Variants in ESAM observed in about 807,000 individuals in gnomAD.
ESAM encodes endothelial cell-selective adhesion molecule.
A neutral mutation model predicts 31.8 loss-of-function variants in ESAM; 23 were observed. The observed-to-expected ratio is 0.72, with a 90% CI of 0.52 to 1.03. The LOEUF is 1.03. Among genes scored for constraint, ESAM ranks in the 50% least tolerant of loss-of-function variants. The probability of loss-of-function intolerance (pLI) is 0.00; values close to 1 mark genes in which losing one functional copy is unlikely to be tolerated. For synonymous variants in ESAM, 216 were observed against 207.2 expected (o/e 1.04, Z -0.37); for missense variants, 478 against 488.9 (o/e 0.98, Z 0.21).
intron 1 of ESAM, among the ~76,000 whole-genome samples, chr11:124,760,217 C>G (rs1320534572): frequency 6.6e-6 from 1 of 152,232 alleles, no homozygotes; most frequent in Non-Finnish European, 1.5e-5. Context: ...TTCTGCTCTC[C>G]CTCCTGGGTG....
Position 124,756,395 on chromosome 11 carries a change from C to G in ESAM, c.452-33G>C, listed in dbSNP as rs761465760. ...GGGGGAGACAGATTAAAACCACACC[C>G]AGGAGACCCACAGATCCTCTCCCTC... On this transcript the variant is annotated intron_variant, in intron 3 of 6. Transcript: ENST00000278927. 7 of 1,577,392 alleles carry G rather than the reference C, an allele frequency of 4.4e-6. No homozygotes were observed. In the East Asian group the frequency reaches 1.6e-4, roughly 36 times the overall value.
Position 124,756,608 on chromosome 11 carries a change from C to T in ESAM, c.384G>A (p.Val128=). The T allele has an allele frequency of 6.2e-7, 1 of 1,614,170 alleles. No homozygotes were observed. The highest frequency in any genetic ancestry group is 8.5e-7 in the Non-Finnish European group (1 of 1,180,034). The change falls in exon 3 of 7, where the codon GTG becomes GTA. Residue 128 remains valine, a synonymous_variant. Transcript: ENST00000278927. ...ATTTGCCTTGTTTGTCTTGCACATT[C>T]ACGGAGCAGCTGTAGGGGCCAGAGT... is the stretch of plus-strand genomic sequence containing the variant. The part of the protein sequence containing the change: ...EKDSGPYSCS[V]NVQDKQGKSR...
Position 124,759,703 on chromosome 11 carries a change from C to T in ESAM, c.71-1176G>A, listed in dbSNP as rs995084983. 4.6e-5 allele frequency among the ~76,000 whole-genome samples: 7 copies of T among 152,254 alleles called. No homozygotes were observed. Among genetic ancestry groups the T allele is most frequent in the African/African-American group, 1.7e-4 (7 of 41,472 alleles). Reference sequence around the variant, plus strand: ...GCTTCCCGGCTGCGCCGTACAGAACCCCCACCTCTGTTACTTGGCCTTCGC... The same window carrying T: ...GCTTCCCGGCTGCGCCGTACAGAACTCCCACCTCTGTTACTTGGCCTTCGC... On this transcript the variant is annotated intron_variant, in intron 1 of 6. Transcript: ENST00000278927. The surrounding 1 kb of genome is among the most constrained non-coding windows in gnomAD (Gnocchi z 6.8).
At position 124,754,608 on chromosome 11, in the gene ESAM, C is replaced by T. The variant is rs911815346; in HGVS notation, c.730+33G>A. On this transcript the variant is annotated intron_variant, in intron 5 of 6. Transcript: ENST00000278927. This position sits in a 1 kb window ranked among gnomAD's most constrained non-coding sequence, Gnocchi z 4.5. ...TTGCAACCCCTCCCCCACCATTGAC[C>T]ACTCTTCTTAACCACACTTACCCCT... 8.8e-6 allele frequency: 14 copies of T among 1,595,606 alleles called. No individual in the cohort carries two copies. In the Middle Eastern group the frequency reaches 8.4e-4, roughly 95 times the overall value.
chr11:124,760,816 C>A (rs1944220616), intron 1 of ESAM, among the ~76,000 whole-genome samples: 1 of 152,212 alleles, frequency 6.6e-6, no homozygotes, highest in African/African-American at 2.4e-5. Context: ...GCCCCCACCC[C>A]CCACAAGGAA....
At position 124,762,164 on chromosome 11, in the gene ESAM, T is replaced by C. The variant is rs1450236020; in HGVS notation, c.-10A>G. The C allele has an allele frequency of 6.2e-7, 1 of 1,602,612 alleles. No homozygotes were observed. The highest frequency in any genetic ancestry group is 8.5e-7 in the Non-Finnish European group (1 of 1,174,592). ...CCGGGAGGGAAATCATGGCCCTCCCTGGCCGGGACGGAGTCAGGGGCGCCA... is the reference window on the plus strand; with the variant it reads ...CCGGGAGGGAAATCATGGCCCTCCCCGGCCGGGACGGAGTCAGGGGCGCCA... On this transcript the variant is annotated 5_prime_UTR_variant, in exon 1 of 7. Coordinates refer to ENST00000278927, the MANE Select transcript of ESAM (RefSeq NM_138961.3). The surrounding 1 kb of genome is among the most constrained non-coding windows in gnomAD (Gnocchi z 6.4).
chr11:124,758,901 C>T (rs1210665465), intron 1 of ESAM, among the ~76,000 whole-genome samples: 1 of 152,188 alleles, frequency 6.6e-6, no homozygotes, highest in Non-Finnish European at 1.5e-5. Context: ...GTACGCGCCA[C>T]GTAGCCCACT....
chr11:124,756,899 T>G (rs1442689239), intron 2 of ESAM, 157 bp from the exon 3 acceptor site: 1 of 730,266 alleles, frequency 1.4e-6, no homozygotes, highest in Non-Finnish European at 2.3e-6. Flanking sequence ...CTTTTGTCCC[T>G]AGCCCCCTCT....
Position 124,762,208 on chromosome 11 carries a change from C to G in ESAM, c.-54G>C. On this transcript the variant is annotated 5_prime_UTR_variant, in exon 1 of 7. Coordinates refer to ENST00000278927, the MANE Select transcript of ESAM (RefSeq NM_138961.3). The surrounding 1 kb of genome is among the most constrained non-coding windows in gnomAD (Gnocchi z 6.4). Reference sequence around the variant, plus strand: ...GGCGCCAGCCGCGGGACGCACGGACCTGCAGGTGCCGAGGCTGCGCGACGG... The same window carrying G: ...GGCGCCAGCCGCGGGACGCACGGACGTGCAGGTGCCGAGGCTGCGCGACGG... 7.0e-7 allele frequency: 1 copy of G among 1,425,988 alleles called. No homozygotes were observed. The highest frequency in any genetic ancestry group is 9.5e-7 in the Non-Finnish European group (1 of 1,053,380). The allele number at this position is 1,425,988 out of a possible 1,614,324, so 88.3% of individuals were successfully genotyped here. A position where few individuals can be genotyped will look rare whatever the true frequency, so the allele number is the denominator to read the frequency against.
Position 124,762,226 on chromosome 11 carries a change from C to G in ESAM, c.-72G>C, listed in dbSNP as rs1273029240. On this transcript the variant is annotated 5_prime_UTR_variant, in exon 1 of 7. Coordinates refer to ENST00000278927, the MANE Select transcript of ESAM (RefSeq NM_138961.3). The surrounding 1 kb of genome is among the most constrained non-coding windows in gnomAD (Gnocchi z 6.4). ...CACGGACCTGCAGGTGCCGAGGCTGCGCGACGGCCGGAGCGTGCGCGGGAG... is the reference window on the plus strand; with the variant it reads ...CACGGACCTGCAGGTGCCGAGGCTGGGCGACGGCCGGAGCGTGCGCGGGAG... 4 of 1,233,776 alleles carry G rather than the reference C, an allele frequency of 3.2e-6. No individual in the cohort carries two copies. Among genetic ancestry groups the G allele is most frequent in the African/African-American group, 3.2e-5 (2 of 62,606 alleles). The allele number at this position is 1,233,776 out of a possible 1,614,324, so 76.4% of individuals were successfully genotyped here.
At position 124,754,064 on chromosome 11, in the gene ESAM, G is replaced by A. The variant is rs2134456785; in HGVS notation, c.858-103C>T. 2 of 1,551,726 alleles carry A rather than the reference G, an allele frequency of 1.3e-6. No individual in the cohort carries two copies. The highest frequency in any genetic ancestry group is 2.2e-5 in the East Asian group (1 of 44,520). ...ATACCACCTCTGCCTGCACACTTCA[G>A]TACTCCTTTCCCTCTCCCTTAAAAC... On this transcript the variant is annotated intron_variant, in intron 6 of 6. Coordinates refer to ENST00000278927, the MANE Select transcript of ESAM (RefSeq NM_138961.3). The surrounding 1 kb of genome is among the most constrained non-coding windows in gnomAD (Gnocchi z 4.5).
intron 2 of ESAM, 62 bp downstream of exon 2, chr11:124,758,287 T>TG (rs1944180415): frequency 1.3e-6 from 2 of 1,593,344 alleles, no homozygotes; most frequent in Admixed American, 1.7e-5. Context: ...CGCTACCAGC[T>TG]CTTTGCTTAC....
At position 124,759,646 on chromosome 11, in the gene ESAM, CCG is replaced by C. The variant is rs1469295468; in HGVS notation, c.71-1121_71-1120del. Among the ~76,000 whole-genome samples the C allele has an allele frequency of 6.6e-6, 1 of 152,258 alleles. No homozygotes were observed. Among genetic ancestry groups the C allele is most frequent in the East Asian group, 1.9e-4 (1 of 5,188 alleles). On this transcript the variant is annotated intron_variant, in intron 1 of 6. Transcript: ENST00000278927. The surrounding 1 kb of genome is among the most constrained non-coding windows in gnomAD (Gnocchi z 6.8). Reference sequence around the variant, plus strand: ...GCTGAAGGCCTCTAAGGGCTGGGAGCCGATCCGGCCAGGATGCAAGCCTCCCC... The same window carrying C: ...GCTGAAGGCCTCTAAGGGCTGGGAGCATCCGGCCAGGATGCAAGCCTCCCC...
chr11:124,754,031 G>A lies in ESAM; in HGVS notation c.858-70C>T. ...AGGAGGAGAGAGTTTCTACCTGCTT[G>A]GTCTTATATACCACCTCTGCCTGCA... On this transcript the variant is annotated intron_variant, in intron 6 of 6. Transcript: ENST00000278927. The surrounding 1 kb of genome is among the most constrained non-coding windows in gnomAD (Gnocchi z 4.5). 1 of 1,575,354 alleles carries A rather than the reference G, an allele frequency of 6.3e-7. No homozygotes were observed. The highest frequency in any genetic ancestry group is 1.2e-5 in the South Asian group (1 of 86,830).
rs768263465 is a variant in ESAM, at chr11:124,756,275, T to G, written c.539A>C (p.Lys180Thr). ...VTLSCQSPRS[K>T]PAVQYQWDRQ... is the part of the protein sequence containing the mutation. ...ATCCCACTGGTATTGGACAGCGGGC[T>G]TACTCCTTGGAGACTGGCAGCTCAG... is the stretch of plus-strand genomic sequence containing the variant. Residue 180 changes from lysine (K) to threonine (T), a missense_variant, in exon 4 of 7, where the codon AAG (lysine) becomes ACG (threonine). By Grantham distance (78) the Lys-to-Thr change is moderately conservative (BLOSUM62 -1). Coordinates refer to ENST00000278927, the MANE Select transcript of ESAM (RefSeq NM_138961.3). 4.7e-5 allele frequency: 76 copies of G among 1,614,024 alleles called. No individual in the cohort carries two copies. In the South Asian group the frequency reaches 8.1e-4, roughly 17 times the overall value.
In ESAM at chr11:124,762,047, C is replaced by G; in HGVS notation, c.70+38G>C. 6.3e-7 allele frequency: 1 copy of G among 1,586,180 alleles called. No individual in the cohort carries two copies. Among genetic ancestry groups the G allele is most frequent in the Non-Finnish European group, 8.6e-7 (1 of 1,161,988 alleles). On this transcript the variant is annotated intron_variant, in intron 1 of 6. Transcript: ENST00000278927. The surrounding 1 kb of genome is among the most constrained non-coding windows in gnomAD (Gnocchi z 6.4). ...CCTCAGGGTCGAACTCACCCCATCC[C>G]GCATCCCAAGTCCCCTCCAGGTCCG...
In ESAM at chr11:124,759,857, G is replaced by T. The variant is rs940045376; in HGVS notation, c.71-1330C>A. 4.6e-5 allele frequency among the ~76,000 whole-genome samples: 7 copies of T among 152,216 alleles called. No individual in the cohort carries two copies. Among genetic ancestry groups the T allele is most frequent in the Non-Finnish European group, 2.9e-5 (2 of 68,028 alleles). ...GGCTCTACGGGAGGAAACAATCCCC[G>T]CCTCAAGGAGCTGGACGCCCCCTGG... On this transcript the variant is annotated intron_variant, in intron 1 of 6. Coordinates refer to ENST00000278927, the MANE Select transcript of ESAM (RefSeq NM_138961.3). This position sits in a 1 kb window ranked among gnomAD's most constrained non-coding sequence, Gnocchi z 6.8.
chr11:124,755,532 T>C (rs1189236626), intron 4 of ESAM, among the ~76,000 whole-genome samples: 1 of 152,160 alleles, frequency 6.6e-6, no homozygotes, highest in Non-Finnish European at 1.5e-5. Context: ...TGTGAGGTAA[T>C]AAGTAGTATT....
Position 124,754,060 on chromosome 11 carries a change from T to C in ESAM, c.858-99A>G. On this transcript the variant is annotated intron_variant, in intron 6 of 6. Transcript: ENST00000278927. This position sits in a 1 kb window ranked among gnomAD's most constrained non-coding sequence, Gnocchi z 4.5. The stretch of plus-strand genomic sequence containing the variant: ...TTATATACCACCTCTGCCTGCACAC[T>C]TCAGTACTCCTTTCCCTCTCCCTTA... 1 of 1,553,600 alleles carries C rather than the reference T, an allele frequency of 6.4e-7. No homozygotes were observed.
Sources: allele counts gnomAD v4.1 joint callset (sites outside exome capture counted in the v4.1 genomes callset), GRCh38; gene constraint gnomAD v4.1.1; non-coding constraint Gnocchi (gnomAD v3.1); transcripts MANE v1.5; gene names NCBI Gene and HGNC (gene_info 2026-07-23, HGNC 2026-07-21).